The following TMEM165 variants were observed in gnomAD, a reference collection of about 807,000 sequenced individuals.
TMEM165 encodes transmembrane protein 165.
A neutral mutation model predicts 30.0 loss-of-function variants in TMEM165; 19 were observed. The ratio of observed to expected loss-of-function variants is 0.63; its 90% CI spans 0.44 to 0.93. TMEM165 has a LOEUF of 0.93. Among genes scored for constraint, TMEM165 ranks in the 40% least tolerant of loss-of-function variants. The probability of loss-of-function intolerance (pLI) is 0.00; values close to 1 mark genes in which losing one functional copy is unlikely to be tolerated. For synonymous variants in TMEM165, 168 were observed against 162.9 expected, an observed-to-expected ratio of 1.03 and a Z score of -0.24; for missense variants, 340 against 417.0, an observed-to-expected ratio of 0.82 and a Z score of 1.61.
intron 3 of TMEM165, chr4:55,442,259 G>GA (rs1723430039): frequency 1.6e-6 from 1 of 628,052 alleles, no homozygotes. Context: ...CTTTAATTAT[G>GA]AAGTCTTTAA....
At chr4:55,435,588 T>C (rs1436224617) in intron 3 of TMEM165, 1 of 1,613,822 alleles carries the variant, frequency 6.2e-7, no homozygotes, top group Admixed American at 1.7e-5. Context: ...TGGAGCAACC[T>C]AGAAGTCTAA....
chr4:55,442,724 A>C (rs1723474287), intron 3 of TMEM165: 1 of 1,127,738 alleles, frequency 8.9e-7, no homozygotes, highest in African/African-American at 1.5e-5. Flanking sequence ...ACAATATGAC[A>C]ATATGACAGA....
chr4:55,427,731 TC>T (rs1269177015), downstream of TMEM165, among the ~76,000 whole-genome samples: 1 of 152,196 alleles, frequency 6.6e-6, no homozygotes, highest in East Asian at 1.9e-4. Flanking sequence ...GGTAGCTTGG[TC>T]CCATTACTAG....
chr4:55,417,752 A>G (rs1215712227), intron 3 of TMEM165, 51 bp from the exon 4 acceptor site: 3 of 1,415,086 alleles, frequency 2.1e-6, no homozygotes, highest in East Asian at 4.8e-5. Flanking sequence ...TTTGTGTGCT[A>G]TTTTGATTTG....
intron 3 of TMEM165, among the ~76,000 whole-genome samples, chr4:55,437,103 T>C (rs1264541489): frequency 6.6e-6 from 1 of 152,214 alleles, no homozygotes; most frequent in African/African-American, 2.4e-5. Flanking sequence ...CCCAGTTATG[T>C]CTGCAGCATA....
chr4:55,437,809 C>T (rs1723007374), intron 3 of TMEM165, among the ~76,000 whole-genome samples: 1 of 152,190 alleles, frequency 6.6e-6, no homozygotes, highest in Admixed American at 6.5e-5. Context: ...AGATATACTA[C>T]ACCTCCATGG....
chr4:55,435,164 A>G (rs866491834), intron 3 of TMEM165: 2 of 509,522 alleles, frequency 3.9e-6, no homozygotes, highest in African/African-American at 1.9e-5. Flanking sequence ...TTTCCATCAA[A>G]AAATATCCAG....
chr4:55,418,072 G>A, intron 4 of TMEM165, 87 bp downstream of exon 4: 1 of 1,252,996 alleles, frequency 8.0e-7, no homozygotes, highest in Non-Finnish European at 1.1e-6. Context: ...ACTGAAGTGG[G>A]CCACAGCATT....
chr4:55,441,848 G>A (rs1409616418), intron 3 of TMEM165, among the ~76,000 whole-genome samples: 1 of 152,154 alleles, frequency 6.6e-6, no homozygotes, highest in East Asian at 1.9e-4. Flanking sequence ...AAACCTTCCT[G>A]TAATATATGC....
downstream of TMEM165, chr4:55,428,185 G>A (rs971546844): frequency 1.3e-5 from 2 of 152,076 alleles, no homozygotes; most frequent in South Asian, 2.1e-4. Flanking sequence ...AATAGTACAC[G>A]CAGTTTTAAA....
intron 3 of TMEM165, chr4:55,432,579 C>G (rs1385574660): frequency 8.0e-6 from 1 of 124,456 alleles, no homozygotes; most frequent in Non-Finnish European, 1.6e-5. Flanking sequence ...AAATGAAGAA[C>G]AGACACTGCT....
At chr4:55,400,252 T>A (rs1416473724) in intron 1 of TMEM165, among the ~76,000 whole-genome samples, 2 of 63,258 alleles carry the variant, frequency 3.2e-5, no homozygotes, top group African/African-American at 1.0e-4. Context: ...AATATTATAT[T>A]ATATTAATAT....
Position 55,396,225 on chromosome 4 carries a change from G to C in TMEM165, c.36G>C (p.Ser12=). The C allele has an allele frequency of 6.8e-7, 1 of 1,460,934 alleles. No individual in the cohort carries two copies. Among genetic ancestry groups the C allele is most frequent in the Non-Finnish European group, 9.0e-7 (1 of 1,110,570 alleles). 90.5% of individuals were successfully genotyped at this position (1,460,934 alleles called of 1,614,324 possible). A position where few individuals can be genotyped will look rare whatever the true frequency, so the allele number is the denominator to read the frequency against. Reference sequence around the variant, plus strand: ...CGGCTCCAGGGAACGGCCGCGCATCGGCGCCCCGGCTGCTTCTGCTCTTTC... The same window carrying C: ...CGGCTCCAGGGAACGGCCGCGCATCCGCGCCCCGGCTGCTTCTGCTCTTTC... ...AAAAPGNGRA[S]APRLLLLFLV... Residue 12 remains serine (S), a synonymous_variant, in exon 1 of 6, where the codon TCG becomes TCC. Transcript: ENST00000381334.
chr4:55,438,266 C>T, intron 3 of TMEM165: 1 of 1,613,930 alleles, frequency 6.2e-7, no homozygotes, highest in Non-Finnish European at 8.5e-7. Context: ...AGCAGCTTCC[C>T]CATGGGGAGA....
chr4:55,401,051 C>T (rs1720975886), intron 1 of TMEM165, among the ~76,000 whole-genome samples: 1 of 150,300 alleles, frequency 6.7e-6, no homozygotes. Flanking sequence ...GAGTGGGCTT[C>T]TGAAAATGGA....
At chr4:55,445,341 T>C (rs1723721444) in intron 3 of TMEM165, among the ~76,000 whole-genome samples, 1 of 152,146 alleles carries the variant, frequency 6.6e-6, no homozygotes, top group African/African-American at 2.4e-5. Flanking sequence ...CTGCAAGCTT[T>C]ACCAGTACCC....
intron 3 of TMEM165, chr4:55,449,002 T>TAACAAA: frequency 2.7e-6 from 2 of 729,488 alleles, no homozygotes; most frequent in Non-Finnish European, 4.7e-6. Flanking sequence ...TGAATACAGC[T>TAACAAA]ATGTCTTCTC....
chr4:55,425,353 G>T, intron 5 of TMEM165, 23 bp from the exon 6 acceptor site: 1 of 1,603,754 alleles, frequency 6.2e-7, no homozygotes, highest in South Asian at 1.1e-5. Context: ...TACTGTATTT[G>T]ACTTTTTTTC....
intron 3 of TMEM165, among the ~76,000 whole-genome samples, chr4:55,445,653 C>A (rs1422990922): frequency 7.6e-6 from 1 of 131,328 alleles, no homozygotes; most frequent in Non-Finnish European, 1.5e-5. Context: ...AGCAGTGGTG[C>A]GATCATGGCT....
Sources: gnomAD v4.1 joint callset for allele counts (sites outside exome capture counted in the v4.1 genomes callset) on GRCh38, gnomAD v4.1.1 for gene constraint, MANE v1.5 for transcripts, NCBI Gene and HGNC (gene_info 2026-07-23, HGNC 2026-07-21) for gene names.